C7orf78: variants seen among roughly 807,000 people sequenced by gnomAD.
The protein encoded by C7orf78 is putative uncharacterized protein C7orf78.
At chr7:12,506,951 C>G in the C7orf78 span, 5 of 479,266 alleles carry the variant, frequency 1.0e-5, no homozygotes, top group African/African-American at 2.0e-5. Flanking sequence ...GAATAAATCT[C>G]TTGCTGAACA....
the C7orf78 span, among the ~76,000 whole-genome samples, chr7:12,486,806 GATA>G: frequency 7.9e-5 from 12 of 151,988 alleles, no homozygotes; most frequent in Non-Finnish European, 1.8e-4. Flanking sequence ...AGAATTAAAA[GATA>G]GTAGTGTGTA....
chr7:12,503,154 A>G, the C7orf78 span, among the ~76,000 whole-genome samples: 1 of 136,390 alleles, frequency 7.3e-6, no homozygotes, highest in Non-Finnish European at 1.6e-5. Context: ...TAGTGGGTGC[A>G]GCACACCAGC....
the C7orf78 span, chr7:12,507,454 T>C: frequency 4.9e-6 from 1 of 204,076 alleles, no homozygotes; most frequent in South Asian, 1.0e-4. Context: ...GAGACGGAAA[T>C]ATCTCTGATG....
At chr7:12,524,325 C>A in the C7orf78 span, among the ~76,000 whole-genome samples, 2 of 152,150 alleles carry the variant, frequency 1.3e-5, no homozygotes, top group Non-Finnish European at 1.5e-5. Flanking sequence ...TGAATGTTAA[C>A]TCTATGAGCT....
At chr7:12,492,127 G>C in the C7orf78 span, 1 of 152,164 alleles carries the variant, frequency 6.6e-6, no homozygotes, top group Admixed American at 6.5e-5. Context: ...CCCAGGACAA[G>C]TGAGGCACTA....
chr7:12,526,607 A>G, the C7orf78 span, among the ~76,000 whole-genome samples: 1 of 152,176 alleles, frequency 6.6e-6, no homozygotes, highest in African/African-American at 2.4e-5. Context: ...TACCTGTAAA[A>G]CTAAGATAAT....
the C7orf78 span, among the ~76,000 whole-genome samples, chr7:12,494,161 G>A: frequency 6.6e-6 from 1 of 152,162 alleles, no homozygotes. Flanking sequence ...GTGGAGGAAG[G>A]GACCAAGAGG....
the C7orf78 span, among the ~76,000 whole-genome samples, chr7:12,527,835 C>T: frequency 6.7e-6 from 1 of 148,762 alleles, no homozygotes; most frequent in African/African-American, 2.5e-5. Context: ...CTATGTGTCA[C>T]TCACTTTGGT....
the C7orf78 span, among the ~76,000 whole-genome samples, chr7:12,534,634 A>G: frequency 3.7e-4 from 57 of 152,302 alleles, no homozygotes; most frequent in African/African-American, 1.4e-3. Flanking sequence ...ATGCAAATAA[A>G]TAAGAAATAG....
the C7orf78 span, among the ~76,000 whole-genome samples, chr7:12,534,761 T>C: frequency 7.4e-4 from 112 of 152,248 alleles, no homozygotes; most frequent in Non-Finnish European, 1.2e-3. Flanking sequence ...GAGACCAGCA[T>C]GGACAACATT....
chr7:12,515,696 G>C, the C7orf78 span, among the ~76,000 whole-genome samples: 1 of 152,180 alleles, frequency 6.6e-6, no homozygotes, highest in Non-Finnish European at 1.5e-5. Flanking sequence ...TCCAGACTGA[G>C]GTGGTCTCAG....
At chr7:12,511,249 A>G in the C7orf78 span, among the ~76,000 whole-genome samples, 4 of 152,006 alleles carry the variant, frequency 2.6e-5, no homozygotes, top group Non-Finnish European at 5.9e-5. Flanking sequence ...ATATGCATCA[A>G]TTTTTATACC....
the C7orf78 span, among the ~76,000 whole-genome samples, chr7:12,516,303 G>C: frequency 6.6e-6 from 1 of 152,228 alleles, no homozygotes; most frequent in East Asian, 1.9e-4. Flanking sequence ...ATATGGTGTT[G>C]AACCTGCGAG....
At chr7:12,499,303 A>G in the C7orf78 span, among the ~76,000 whole-genome samples, 245 of 152,290 alleles carry the variant, frequency 1.6e-3, no homozygotes, top group Non-Finnish European at 2.7e-3. Context: ...TTGGATAAAG[A>G]GTCAAGACCC....
chr7:12,537,371 G>A, the C7orf78 span, among the ~76,000 whole-genome samples: 1 of 152,154 alleles, frequency 6.6e-6, no homozygotes, highest in Non-Finnish European at 1.5e-5. Context: ...CCTGCCCCCA[G>A]AATTCAATCA....
the C7orf78 span, among the ~76,000 whole-genome samples, chr7:12,533,390 A>G: frequency 6.6e-6 from 1 of 151,410 alleles, no homozygotes; most frequent in African/African-American, 2.4e-5. Context: ...TAGTAGAGAC[A>G]GGGGTTTGCC....
chr7:12,534,966 A>AGAAGGAGG, the C7orf78 span, among the ~76,000 whole-genome samples: 3 of 82,636 alleles, frequency 3.6e-5, no homozygotes, highest in Non-Finnish European at 7.5e-5. Context: ...GAGGGAGGGA[A>AGAAGGAGG]GAAGGAAGGA....
chr7:12,526,248 A>T, the C7orf78 span, among the ~76,000 whole-genome samples: 1 of 152,110 alleles, frequency 6.6e-6, no homozygotes, highest in Non-Finnish European at 1.5e-5. Flanking sequence ...TGGTTTCCTT[A>T]TCTGGAAATG....
the C7orf78 span, chr7:12,523,543 A>G: frequency 2.5e-6 from 1 of 394,508 alleles, no homozygotes. Context: ...GTATGTGTAT[A>G]TAATGTGTAT....
Sources: allele counts gnomAD v4.1 joint callset (sites outside exome capture counted in the v4.1 genomes callset), GRCh38; gene constraint gnomAD v4.1.1; transcripts MANE v1.5; gene names NCBI Gene and HGNC (gene_info 2026-07-23, HGNC 2026-07-21).